SGMS1: variants seen among roughly 807,000 people sequenced by gnomAD.
SGMS1 encodes phosphatidylcholine:ceramide cholinephosphotransferase 1.
In SGMS1, 13 loss-of-function variants were observed where a neutral mutation model predicts 46.2. The ratio of observed to expected loss-of-function variants is 0.28; its 90% CI spans 0.18 to 0.45. The LOEUF is 0.45. SGMS1 is among the 20% of genes least tolerant of loss of function. The pLI is 1.00. For synonymous variants in SGMS1, 203 were observed against 187.8 expected, an observed-to-expected ratio of 1.08 and a Z score of -0.66; for missense variants, 324 against 519.9, an observed-to-expected ratio of 0.62 and a Z score of 3.66.
intron 1 of SGMS1, among the ~76,000 whole-genome samples, chr10:50,622,149 G>A (rs1377319197): frequency 6.6e-6 from 1 of 152,170 alleles, no homozygotes; most frequent in Admixed American, 6.5e-5. Context: ...CTGGAAGGCT[G>A]CCACCTGCTG....
intron 6 of SGMS1, among the ~76,000 whole-genome samples, chr10:50,402,571 G>C (rs527340283): frequency 6.6e-6 from 1 of 152,132 alleles, no homozygotes; most frequent in African/African-American, 2.4e-5. Flanking sequence ...GTATGAATAA[G>C]TATATAGATT....
intron 3 of SGMS1, among the ~76,000 whole-genome samples, chr10:50,489,704 G>A (rs917838997): frequency 1.3e-5 from 2 of 152,016 alleles, no homozygotes; most frequent in East Asian, 1.9e-4. Flanking sequence ...GGCTGGGCAC[G>A]GTGGCTCACG....
intron 6 of SGMS1, among the ~76,000 whole-genome samples, chr10:50,430,298 C>G (rs1052551632): frequency 6.6e-6 from 1 of 152,006 alleles, no homozygotes; most frequent in Admixed American, 6.6e-5. Flanking sequence ...ACATGGAATG[C>G]TATATATTAT....
At chr10:50,527,954 T>G (rs996864357) in intron 2 of SGMS1, among the ~76,000 whole-genome samples, 4 of 152,192 alleles carry the variant, frequency 2.6e-5, no homozygotes. Context: ...TATCCTCATA[T>G]TAAGGATTAA....
rs563195369 is a variant in SGMS1 at position 50,306,454 on chromosome 10, C to T, written c.*688G>A. On this transcript the variant is annotated 3_prime_UTR_variant, in exon 11 of 11. Transcript: ENST00000361781. ...TGCATTTTTAAATTTTAACTCTCTTCTCTCTGACATGTTAAAAATCTTTAA... is the reference window on the plus strand; with the variant it reads ...TGCATTTTTAAATTTTAACTCTCTTTTCTCTGACATGTTAAAAATCTTTAA... The T allele has an allele frequency of 1.3e-5, 2 of 152,736 alleles. No homozygotes were observed. Among genetic ancestry groups the T allele is most frequent in the African/African-American group, 4.8e-5 (2 of 41,520 alleles). 9.5% of individuals were successfully genotyped at this position (152,736 alleles called of 1,614,324 possible). A position where few individuals can be genotyped will look rare whatever the true frequency, so the allele number is the denominator to read the frequency against.
chr10:50,456,022 T>C (rs1247470433), intron 5 of SGMS1, among the ~76,000 whole-genome samples: 1 of 152,174 alleles, frequency 6.6e-6, no homozygotes, highest in African/African-American at 2.4e-5. Flanking sequence ...AGAGGACCTA[T>C]GGTAAATATC....
intron 6 of SGMS1, among the ~76,000 whole-genome samples, chr10:50,423,265 T>C (rs1258939933): frequency 3.3e-5 from 5 of 150,828 alleles, no homozygotes; most frequent in Admixed American, 6.7e-5. Flanking sequence ...TCATTGGCTT[T>C]ATTCTTCATT....
intron 1 of SGMS1, among the ~76,000 whole-genome samples, chr10:50,606,662 A>G (rs1838697050): frequency 6.6e-6 from 1 of 152,254 alleles, no homozygotes; most frequent in Non-Finnish European, 1.5e-5. Context: ...CTGGAAAGCT[A>G]AAGAGCAGGA....
At chr10:50,464,044 A>G (rs1837299829) in intron 4 of SGMS1, among the ~76,000 whole-genome samples, 1 of 152,174 alleles carries the variant, frequency 6.6e-6, no homozygotes, top group South Asian at 2.1e-4. Context: ...AGGATAAAGG[A>G]GTGTTGCTGT....
chr10:50,528,828 A>T (rs1353625057), intron 2 of SGMS1, among the ~76,000 whole-genome samples: 1 of 144,556 alleles, frequency 6.9e-6, no homozygotes, highest in East Asian at 1.9e-4. Flanking sequence ...ACAGAGCAAG[A>T]CCCTTCTTCC....
chr10:50,569,903 C>T (rs996799078), intron 2 of SGMS1, among the ~76,000 whole-genome samples: 1 of 152,076 alleles, frequency 6.6e-6, no homozygotes, highest in African/African-American at 2.4e-5. Context: ...AAGCCTGTAA[C>T]AAGACCCCAA....
rs1260552875 is a variant in SGMS1, at chr10:50,307,286, G to A, written c.1098C>T (p.Ala366=). The part of the protein sequence containing the change: ...LKEASQMNLL[A]RVWWYRPFQY... The stretch of plus-strand genomic sequence containing the variant: ...GAAATGGCCTGTACCACCACACCCT[G>A]GCCAGGAGGTTCATCTGGGAAGCTT... The change falls in exon 11 of 11, where the codon GCC becomes GCT. Residue 366 remains alanine, a synonymous_variant. Transcript: ENST00000361781. This position sits in a 1 kb window ranked among gnomAD's most constrained non-coding sequence, Gnocchi z 4.2. 1 of 1,613,552 alleles carries A rather than the reference G, an allele frequency of 6.2e-7. No individual in the cohort carries two copies. The highest frequency in any genetic ancestry group is 8.5e-7 in the Non-Finnish European group (1 of 1,179,754).
chr10:50,599,578 C>T (rs1329665652), intron 1 of SGMS1, among the ~76,000 whole-genome samples: 1 of 151,902 alleles, frequency 6.6e-6, no homozygotes, highest in Admixed American at 6.6e-5. Context: ...AAGTACTTAA[C>T]GTTAACTTAA....
At chr10:50,443,407 G>GA (rs1849569965) in intron 5 of SGMS1, among the ~76,000 whole-genome samples, 1 of 151,454 alleles carries the variant, frequency 6.6e-6, no homozygotes, top group African/African-American at 2.4e-5. Flanking sequence ...AGTAGCCAGA[G>GA]AAAAAAAGAC....
intron 2 of SGMS1, among the ~76,000 whole-genome samples, chr10:50,544,429 G>A (rs1283442501): frequency 6.6e-6 from 1 of 152,168 alleles, no homozygotes; most frequent in Non-Finnish European, 1.5e-5. Context: ...ATCTTGCTTC[G>A]GTGAAGGCAA....
intron 6 of SGMS1, among the ~76,000 whole-genome samples, chr10:50,346,361 A>G (rs1847911602): frequency 6.6e-6 from 1 of 152,174 alleles, no homozygotes; most frequent in African/African-American, 2.4e-5. Context: ...CACTATAAAA[A>G]AAACTCTACC....
At chr10:50,504,661 C>T (rs1837690073) in intron 3 of SGMS1, among the ~76,000 whole-genome samples, 1 of 151,922 alleles carries the variant, frequency 6.6e-6, no homozygotes, top group Non-Finnish European at 1.5e-5. Context: ...CTTGTAACCA[C>T]TATATACACA....
intron 2 of SGMS1, among the ~76,000 whole-genome samples, chr10:50,562,337 A>AGTGTGTGTGT (rs758431447): frequency 1.1e-4 from 14 of 132,258 alleles, no homozygotes; most frequent in African/African-American, 3.9e-4. Flanking sequence ...ACACTCTCTG[A>AGTGTGTGTGT]GTGTGTGTGT....
intron 3 of SGMS1, chr10:50,473,958 A>G (rs946921874): frequency 6.6e-6 from 1 of 152,236 alleles, no homozygotes; most frequent in Non-Finnish European, 1.5e-5. Flanking sequence ...CTGCTGCAGG[A>G]ACTAGAATCA....
Sources: gnomAD v4.1 joint callset for allele counts (sites outside exome capture counted in the v4.1 genomes callset) on GRCh38, gnomAD v4.1.1 for gene constraint, Gnocchi (gnomAD v3.1) non-coding constraint, MANE v1.5 for transcripts, NCBI Gene and HGNC (gene_info 2026-07-23, HGNC 2026-07-21) for gene names.